Variants in SPOCK2 observed in about 807,000 individuals in gnomAD.
The protein encoded by SPOCK2 is SPARC (osteonectin), cwcv and kazal like domains proteoglycan 2, also known as testican-2.
SPOCK2 carries 39 observed loss-of-function variants against 60.1 expected under a neutral mutation model. The ratio of observed to expected loss-of-function variants is 0.65; its 90% CI spans 0.50 to 0.85. The LOEUF (loss-of-function observed/expected upper bound fraction) is 0.85. Among genes scored for constraint, SPOCK2 ranks in the 40% least tolerant of loss-of-function variants. The pLI, the probability that SPOCK2 is intolerant of heterozygous loss-of-function variation, is 0.00. For synonymous variants in SPOCK2, 217 were observed against 231.5 expected, an observed-to-expected ratio of 0.94 and a Z score of 0.57; for missense variants, 523 against 567.4, an observed-to-expected ratio of 0.92 and a Z score of 0.80.
intron 9 of SPOCK2, among the ~76,000 whole-genome samples, chr10:72,063,803 C>G (rs1053914073): frequency 6.6e-6 from 1 of 152,216 alleles, no homozygotes; most frequent in Non-Finnish European, 1.5e-5. Flanking sequence ...GGGGCCGGCC[C>G]CCAGGTGTTT....
chr10:72,068,250 A>G lies in SPOCK2; in HGVS notation c.526T>C (p.Cys176Arg). The change falls in exon 6 of 11, where the codon TGC (cysteine) becomes CGC (arginine). Residue 176 changes from cysteine to arginine, a missense_variant. Physicochemically the swap from Cys to Arg is radical, Grantham distance 180. Coordinates refer to ENST00000373109, the MANE Select transcript of SPOCK2 (RefSeq NM_001244950.2). ...CLSSKQLAVR[C>R]EGPCPCPTEQ... ...GTGGGGCAGGGGCAGGGGCCCTCGC[A>G]TCGCACCGCCAGCTGCTTGCTGCTC... 2 of 1,612,116 alleles carry G rather than the reference A, an allele frequency of 1.2e-6. No individual in the cohort carries two copies. Among genetic ancestry groups the G allele is most frequent in the Non-Finnish European group, 1.7e-6 (2 of 1,179,470 alleles).
upstream of SPOCK2, chr10:72,088,629 A>C (rs2131827433): frequency 3.3e-6 from 1 of 300,322 alleles, no homozygotes; most frequent in Admixed American, 5.0e-5. Context: ...TTTAAAAAAA[A>C]AAAAAAAAAA....
At chr10:72,063,229 C>T (rs1840521338) in intron 9 of SPOCK2, 67 bp from the exon 10 acceptor site, 10 of 1,539,630 alleles carry the variant, frequency 6.5e-6, no homozygotes, top group Non-Finnish European at 8.8e-6. Context: ...AGAGAGGTGA[C>T]CTCAGGTCCT....
chr10:72,063,152 G>A lies in SPOCK2; in HGVS notation c.1002C>T (p.Ile334=), dbSNP rs1217425611. The A allele has an allele frequency of 6.4e-7, 1 of 1,556,812 alleles. No individual in the cohort carries two copies. Among genetic ancestry groups the A allele is most frequent in the Non-Finnish European group, 8.7e-7 (1 of 1,149,824 alleles). The change falls in exon 10 of 11, where the codon ATC becomes ATT. Residue 334 remains isoleucine, a synonymous_variant. Transcript: ENST00000373109. The stretch of plus-strand genomic sequence containing the variant: ...AGTAGCCATCCTCGTCGCAGCTCGG[G>A]ATGAAGATGCCTGAATGAGACAGTG... ...EAAKKKPGIF[I]PSCDEDGYYR...
At position 72,088,262 on chromosome 10, in the gene SPOCK2, C is replaced by G. The variant is rs372206624; in HGVS notation, c.67G>C (p.Glu23Gln). ...LLLLAAAALAEGDAKGLKEGE... is the reference protein window; with the variant it reads ...LLLLAAAALAQGDAKGLKEGE... Reference sequence around the variant, plus strand: ...TCCTTGAGCCCCTTGGCGTCGCCTTCGGCCAGGGCTGCCGCGGCCAGGAGC... The same window carrying G: ...TCCTTGAGCCCCTTGGCGTCGCCTTGGGCCAGGGCTGCCGCGGCCAGGAGC... Residue 23 changes from glutamate to glutamine, a missense_variant, in exon 1 of 11, where the codon GAA becomes CAA. Coordinates refer to ENST00000373109, the MANE Select transcript of SPOCK2 (RefSeq NM_001244950.2). The G allele has an allele frequency of 3.0e-5, 48 of 1,608,090 alleles. No individual in the cohort carries two copies. The highest frequency in any genetic ancestry group is 2.1e-4 in the Middle Eastern group (1 of 4,730).
At chr10:72,064,149 T>C (rs1840534140) in intron 9 of SPOCK2, 29 bp downstream of exon 9, 1 of 1,610,018 alleles carries the variant, frequency 6.2e-7, no homozygotes, top group African/African-American at 1.3e-5. Flanking sequence ...CCCCACCTCC[T>C]CCTCTGAGAG....
In SPOCK2 at chr10:72,088,540, GGAGA is replaced by G; in HGVS notation, c.-216_-213del. ...AAAGCCCAGCACTGGACGCGGAGAG[GGAGA>G]GAGAATCAGAGAGGCTGCGCCAGCA... On this transcript the variant is annotated 5_prime_UTR_variant, in exon 1 of 11. Transcript: ENST00000373109. 4 of 548,900 alleles carry G rather than the reference GGAGA, an allele frequency of 7.3e-6. No homozygotes were observed. Among genetic ancestry groups the G allele is most frequent in the Admixed American group, 3.5e-5 (1 of 28,208 alleles). The allele number at this position is 548,900 out of a possible 1,614,324, so 34.0% of individuals were successfully genotyped here.
At chr10:72,068,416 C>T (rs1371456630) in intron 5 of SPOCK2, 115 bp from the exon 6 acceptor site, 2 of 1,118,828 alleles carry the variant, frequency 1.8e-6, no homozygotes, top group South Asian at 1.6e-5. Flanking sequence ...CCATGGAGTG[C>T]CCATGAACAG....
intron 4 of SPOCK2, among the ~76,000 whole-genome samples, chr10:72,071,508 A>G (rs1460383573): frequency 1.3e-5 from 2 of 152,146 alleles, no homozygotes; most frequent in African/African-American, 4.8e-5. Context: ...GCTTCCTTAA[A>G]TGTCCCTCAC....
chr10:72,086,335 C>T, intron 1 of SPOCK2: 1 of 995,826 alleles, frequency 1.0e-6, no homozygotes. Flanking sequence ...AGCAGTAAGT[C>T]ATTTATTCTC....
chr10:72,076,399 T>A (rs1475968069), intron 1 of SPOCK2, among the ~76,000 whole-genome samples: 1 of 152,204 alleles, frequency 6.6e-6, no homozygotes, highest in East Asian at 1.9e-4. Flanking sequence ...TGAGAAATAG[T>A]CTGATCAGGG....
Position 72,063,034 on chromosome 10 carries a change from G to C in SPOCK2, c.1120C>G (p.Pro374Ala), listed in dbSNP as rs1032292407. 1 of 1,555,940 alleles carries C rather than the reference G, an allele frequency of 6.4e-7. No individual in the cohort carries two copies. The highest frequency in any genetic ancestry group is 1.4e-5 in the African/African-American group (1 of 73,242). Reference protein sequence around the residue: ...ELTGTRTHGSPDCDDIVGFSG... With the variant: ...ELTGTRTHGSADCDDIVGFSG... ...GCTGCCCAGCCCGTACCGCAGTCGGGGCTCCCATGCGTGCGCGTGCCAGTC... is the reference window on the plus strand; with the variant it reads ...GCTGCCCAGCCCGTACCGCAGTCGGCGCTCCCATGCGTGCGCGTGCCAGTC... The change falls in exon 10 of 11, where the codon CCC becomes GCC. Residue 374 changes from proline (P) to alanine (A), a missense_variant. Transcript: ENST00000373109.
chr10:72,070,286 C>A (rs1291647214), intron 5 of SPOCK2, 26 bp downstream of exon 5: 3 of 1,611,084 alleles, frequency 1.9e-6, no homozygotes, highest in Non-Finnish European at 1.7e-6. Context: ...TCCACCCCCA[C>A]CCTACCTGGG....
chr10:72,088,031 G>A lies in SPOCK2; in HGVS notation c.189+109C>T, dbSNP rs958701210. On this transcript the variant is annotated intron_variant, in intron 1 of 10. Coordinates refer to ENST00000373109, the MANE Select transcript of SPOCK2 (RefSeq NM_001244950.2). ...ACTTTCCGTGTAATTAGCCGGCCAG[G>A]CTGCGGAGCCTCGGGCTGCGACGTG... The A allele has an allele frequency of 3.7e-6, 5 of 1,365,222 alleles. No individual in the cohort carries two copies. The African/African-American group carries it at 5.8e-5, about 16-fold the overall frequency. 84.6% of individuals were successfully genotyped at this position (1,365,222 alleles called of 1,614,324 possible).
intron 1 of SPOCK2, chr10:72,086,332 A>C (rs532133799): frequency 1.2e-4 from 119 of 994,282 alleles, no homozygotes; most frequent in Middle Eastern, 5.2e-4. Context: ...TCAAGCAGTA[A>C]GTCATTTATT....
At chr10:72,086,528 G>A in intron 1 of SPOCK2, 1 of 1,127,324 alleles carries the variant, frequency 8.9e-7, no homozygotes, top group Non-Finnish European at 1.1e-6. Flanking sequence ...ATGGATTCCG[G>A]ATGGGCCGGC....
At chr10:72,065,323 A>G (rs1840554156) in intron 8 of SPOCK2, among the ~76,000 whole-genome samples, 1 of 152,200 alleles carries the variant, frequency 6.6e-6, no homozygotes, top group African/African-American at 2.4e-5. Flanking sequence ...GGCGTGAGCC[A>G]CCGCGCCCGG....
rs1048593887 is a variant in SPOCK2 at position 72,062,954 on chromosome 10, C to T, written c.1130-49G>A. 1.9e-6 allele frequency: 3 copies of T among 1,585,114 alleles called. No individual in the cohort carries two copies. The highest frequency in any genetic ancestry group is 1.8e-5 in the Admixed American group (1 of 56,848). On this transcript the variant is annotated intron_variant, in intron 10 of 10. Transcript: ENST00000373109. The surrounding 1 kb of genome is among the most constrained non-coding windows in gnomAD (Gnocchi z 4.3). ...GGGGTGAGGGAGCTTCTGGCACGCA[C>T]CCCCCAGCATCCCACGACAAGGGCC...
intron 9 of SPOCK2, 72 bp from the exon 10 acceptor site, chr10:72,063,234 G>T (rs1379609251): frequency 6.5e-7 from 1 of 1,538,070 alleles, no homozygotes; most frequent in East Asian, 2.5e-5. Context: ...GGTGACCTCA[G>T]GTCCTCATGC....
Sources: gnomAD v4.1 joint callset for allele counts (sites outside exome capture counted in the v4.1 genomes callset) on GRCh38, gnomAD v4.1.1 for gene constraint, Gnocchi (gnomAD v3.1) non-coding constraint, MANE v1.5 for transcripts, NCBI Gene and HGNC (gene_info 2026-07-23, HGNC 2026-07-21) for gene names.